The following MCPH1 variants were observed in gnomAD, a reference collection of about 807,000 sequenced individuals.
MCPH1 encodes microcephalin 1.
MCPH1 carries 104 observed loss-of-function variants against 84.5 expected under a neutral mutation model. The observed-to-expected ratio is 1.23, with a 90% confidence interval of 1.05 to 1.45. The LOEUF (loss-of-function observed/expected upper bound fraction) is 1.45. Ranked by LOEUF, MCPH1 falls within the 40% of genes most tolerant of loss-of-function variation. The pLI is 0.00. For synonymous variants in MCPH1, 514 were observed against 366.8 expected (o/e 1.40, Z -4.58); for missense variants, 1,498 against 1,005.7 (o/e 1.49, Z -6.62).
At chr8:6,514,705 AAATC>A in intron 12 of MCPH1, 1 of 1,614,106 alleles carries the variant, frequency 6.2e-7, no homozygotes, top group Non-Finnish European at 8.5e-7. Flanking sequence ...AGTCCTCTGA[AAATC>A]AACGCTGCCA....
At chr8:6,419,614 G>A (rs1488753063) in intron 3 of MCPH1, among the ~76,000 whole-genome samples, 1 of 151,190 alleles carries the variant, frequency 6.6e-6, no homozygotes, top group Non-Finnish European at 1.5e-5. Context: ...GTGTTAGCCA[G>A]GATGGTCTTG....
At chr8:6,639,922 A>T (rs1157636534) in intron 13 of MCPH1, among the ~76,000 whole-genome samples, 3 of 152,086 alleles carry the variant, frequency 2.0e-5, no homozygotes, top group Non-Finnish European at 2.9e-5. Context: ...TATTTATTTT[A>T]GAAACAAGAT....
At chr8:6,555,213 C>G (rs187839152) in intron 12 of MCPH1, among the ~76,000 whole-genome samples, 7 of 152,254 alleles carry the variant, frequency 4.6e-5, no homozygotes, top group South Asian at 2.1e-4. Context: ...GTGATCCAGT[C>G]TGTAGAATGT....
intron 12 of MCPH1, among the ~76,000 whole-genome samples, chr8:6,600,148 T>C (rs2442567): frequency 0.88 from 134,438 of 152,274 alleles, 60,737 homozygotes; most frequent in Non-Finnish European, 0.99. Context: ...GAATTTCTTG[T>C]CCTTTTCCAA....
chr8:6,457,475 G>T (rs761735756), intron 9 of MCPH1, among the ~76,000 whole-genome samples: 3 of 151,648 alleles, frequency 2.0e-5, no homozygotes, highest in Non-Finnish European at 2.9e-5. Context: ...CCTGGTGGTG[G>T]GCACCTGTAA....
chr8:6,461,386 C>T lies in MCPH1; in HGVS notation c.1935+6134C>T, dbSNP rs922215313. 4.5e-5 allele frequency among the ~76,000 whole-genome samples: 6 copies of T among 134,216 alleles called. 1 individual carries two copies. The highest frequency in any genetic ancestry group is 3.4e-4 in the Admixed American group (4 of 11,736). 88.1% of individuals were successfully genotyped at this position (134,216 alleles called of 152,430 possible). On this transcript the variant is annotated intron_variant, in intron 9 of 13. Coordinates refer to ENST00000344683, the MANE Select transcript of MCPH1 (RefSeq NM_024596.5). ...TGTTGTCCAGGCTGAAGTGCAGTGG[C>T]CCAGTCTTGGCTCACTGCAACCTCC...
At chr8:6,509,024 A>G (rs1814377147) in intron 12 of MCPH1, 2 of 1,613,974 alleles carry the variant, frequency 1.2e-6, no homozygotes, top group Non-Finnish European at 8.5e-7. Context: ...GATGCTGCTT[A>G]TTTTGCCGGC....
intron 12 of MCPH1, among the ~76,000 whole-genome samples, chr8:6,608,142 G>A (rs1239186567): frequency 6.6e-6 from 1 of 152,206 alleles, no homozygotes; most frequent in East Asian, 1.9e-4. Context: ...AAGGCAGACA[G>A]AGCTGACTCA....
In MCPH1 at chr8:6,621,630, C is replaced by T. The variant is rs768620457; in HGVS notation, c.2391C>T (p.Ile797=). The T allele has an allele frequency of 1.5e-5, 24 of 1,614,094 alleles. No homozygotes were observed. The highest frequency in any genetic ancestry group is 2.2e-5 in the East Asian group (1 of 44,890). Residue 797 remains isoleucine, a synonymous_variant, in exon 13 of 14, where the codon ATC becomes ATT. Coordinates refer to ENST00000344683, the MANE Select transcript of MCPH1 (RefSeq NM_024596.5). ...TCCCCCGCCAGGCCAGCATCGTCAT[C>T]GGGCCCTACAGCGGAAAGAAGAAAG... ...SQVPRQASIV[I]GPYSGKKKAT... is the part of the protein sequence containing the mutation.
rs551179741 is a variant in MCPH1 at position 6,446,512 on chromosome 8, C to T, written c.1825+965C>T. On this transcript the variant is annotated intron_variant, in intron 8 of 13. Coordinates refer to ENST00000344683, the MANE Select transcript of MCPH1 (RefSeq NM_024596.5). ...AATGAAAATAATTTTATGTTTTTGG[C>T]CTGCTATTTATATCTTGGCTTTCTG... is the stretch of plus-strand genomic sequence containing the variant. 22 of 984,340 alleles carry T rather than the reference C, an allele frequency of 2.2e-5. No homozygotes were observed. In the African/African-American group the frequency reaches 3.7e-4, roughly 16 times the overall value. 61.0% of individuals were successfully genotyped at this position (984,340 alleles called of 1,614,324 possible).
chr8:6,534,522 G>GC (rs199742083), intron 12 of MCPH1, among the ~76,000 whole-genome samples: 1,778 of 152,224 alleles, frequency 0.012, 17 homozygotes, highest in Middle Eastern at 0.027. Context: ...ACCCGCCTCA[G>GC]CCCCCCAAAG....
chr8:6,449,541 G>C (rs767311278), intron 8 of MCPH1, among the ~76,000 whole-genome samples: 1 of 152,032 alleles, frequency 6.6e-6, no homozygotes, highest in Non-Finnish European at 1.5e-5. Flanking sequence ...GCTGAGGCAG[G>C]AGAATCACTT....
At chr8:6,459,655 C>T (rs946244157) in intron 9 of MCPH1, among the ~76,000 whole-genome samples, 12 of 152,306 alleles carry the variant, frequency 7.9e-5, no homozygotes, top group Middle Eastern at 3.4e-3. Flanking sequence ...TGAGAGCCAG[C>T]CTACATGCTA....
At chr8:6,627,316 G>T (rs968401355) in intron 13 of MCPH1, 6 of 982,858 alleles carry the variant, frequency 6.1e-6, no homozygotes, top group Non-Finnish European at 4.8e-6. Context: ...AGAAGCTGTG[G>T]AGAGTGGCAG....
At chr8:6,488,246 A>T (rs974684598) in intron 11 of MCPH1, among the ~76,000 whole-genome samples, 5 of 152,174 alleles carry the variant, frequency 3.3e-5, no homozygotes, top group African/African-American at 1.2e-4. Flanking sequence ...GCAAGACCCC[A>T]AGGTGCGCAT....
At chr8:6,411,352 A>G (rs1043752557) in intron 2 of MCPH1, among the ~76,000 whole-genome samples, 1 of 152,234 alleles carries the variant, frequency 6.6e-6, no homozygotes, top group Non-Finnish European at 1.5e-5. Flanking sequence ...GCAGCTATAT[A>G]GAAATAAATA....
chr8:6,522,008 T>C (rs527578384), intron 12 of MCPH1, among the ~76,000 whole-genome samples: 37 of 152,276 alleles, frequency 2.4e-4, no homozygotes, highest in African/African-American at 8.9e-4. Context: ...ACCTGTTAAT[T>C]AGGATACTAT....
At chr8:6,599,012 G>A in intron 12 of MCPH1, among the ~76,000 whole-genome samples, 1 of 152,222 alleles carries the variant, frequency 6.6e-6, no homozygotes, top group Non-Finnish European at 1.5e-5. Context: ...TAAAAAGCGT[G>A]AAACCTATTG....
intron 12 of MCPH1, among the ~76,000 whole-genome samples, chr8:6,551,380 T>C (rs999719129): frequency 6.7e-6 from 1 of 148,576 alleles, no homozygotes; most frequent in South Asian, 2.1e-4. Context: ...AGGCCAATTA[T>C]GTAACTGTAA....
Sources: allele counts gnomAD v4.1 joint callset (sites outside exome capture counted in the v4.1 genomes callset), GRCh38; gene constraint gnomAD v4.1.1; transcripts MANE v1.5; gene names NCBI Gene and HGNC (gene_info 2026-07-23, HGNC 2026-07-21).